AS3MT: variants seen among roughly 807,000 people sequenced by gnomAD.
AS3MT encodes S-adenosyl-L-methionine:arsenic(III) methyltransferase.
In AS3MT, 47 loss-of-function variants were observed where a neutral mutation model predicts 45.3. The ratio of observed to expected loss-of-function variants is 1.04; its 90% confidence interval spans 0.82 to 1.32. The LOEUF (loss-of-function observed/expected upper bound fraction) is 1.32. AS3MT is among the 40% of genes most tolerant of loss of function. The pLI is 0.00. For synonymous variants in AS3MT, 141 were observed against 152.8 expected (o/e 0.92, Z 0.57); for missense variants, 396 against 451.1 (o/e 0.88, Z 1.11).
chr10:102,875,139 C>T (rs1478769275), intron 6 of AS3MT, among the ~76,000 whole-genome samples: 1 of 152,152 alleles, frequency 6.6e-6, no homozygotes, highest in Non-Finnish European at 1.5e-5. Flanking sequence ...GCAGGAGCTC[C>T]ACAGCCTTCA....
chr10:102,878,693 G>A (rs1844825883), intron 8 of AS3MT, among the ~76,000 whole-genome samples, 156 bp from the exon 9 acceptor site: 2 of 152,182 alleles, frequency 1.3e-5, no homozygotes, highest in Admixed American at 1.3e-4. Context: ...AAAGCACTTT[G>A]AAGTCATTCA....
chr10:102,894,528 T>C (rs1845132835), intron 10 of AS3MT, among the ~76,000 whole-genome samples: 1 of 152,160 alleles, frequency 6.6e-6, no homozygotes, highest in South Asian at 2.1e-4. Context: ...AAAGTTATCC[T>C]AAAAAACTAG....
chr10:102,874,815 C>T (rs1472670646), intron 6 of AS3MT, among the ~76,000 whole-genome samples, 154 bp downstream of exon 6: 1 of 152,032 alleles, frequency 6.6e-6, no homozygotes, highest in Non-Finnish European at 1.5e-5. Context: ...GCAGGAATAC[C>T]CCGGATATGG....
At chr10:102,873,387 T>TC (rs1032814970) in intron 5 of AS3MT, among the ~76,000 whole-genome samples, 154 bp downstream of exon 5, 6 of 152,070 alleles carry the variant, frequency 3.9e-5, no homozygotes, top group African/African-American at 1.4e-4. Context: ...TTCAACTGAT[T>TC]CTCTTGCCTC....
At chr10:102,875,463 C>T (rs1377108847) in intron 6 of AS3MT, among the ~76,000 whole-genome samples, 4 of 119,306 alleles carry the variant, frequency 3.4e-5, no homozygotes, top group African/African-American at 9.8e-5. Flanking sequence ...GGAGACAGAG[C>T]GAGACTCCAT....
At chr10:102,896,475 T>TA (rs1564796613) in intron 10 of AS3MT, among the ~76,000 whole-genome samples, 1 of 151,460 alleles carries the variant, frequency 6.6e-6, no homozygotes, top group Non-Finnish European at 1.5e-5. Flanking sequence ...AGCATGAATC[T>TA]AACCCAAGCT....
chr10:102,890,224 G>C (rs567363997), intron 9 of AS3MT, among the ~76,000 whole-genome samples: 3 of 151,936 alleles, frequency 2.0e-5, no homozygotes, highest in South Asian at 2.1e-4. Flanking sequence ...GGATGGTCTC[G>C]ATCTCCTGAC....
rs191205812 is a variant in AS3MT at position 102,871,816 on chromosome 10, C to G, written c.171-632C>G. Among the ~76,000 whole-genome samples, 168 of 152,236 alleles carry G rather than the reference C, an allele frequency of 1.1e-3. 1 individual carries two copies. The highest frequency in any genetic ancestry group is 1.9e-3 in the Non-Finnish European group (128 of 68,018). On this transcript the variant is annotated intron_variant, in intron 3 of 10. Coordinates refer to ENST00000369880, the MANE Select transcript of AS3MT (RefSeq NM_020682.4). The stretch of plus-strand genomic sequence containing the variant: ...CTTACATTTTTTCCTCAATAACTAG[C>G]GCAGTCCTGGGCCTGAATTAGAAGC...
At chr10:102,872,165 G>A (rs1319014033) in intron 3 of AS3MT, among the ~76,000 whole-genome samples, 1 of 152,144 alleles carries the variant, frequency 6.6e-6, no homozygotes, top group Non-Finnish European at 1.5e-5. Flanking sequence ...GATTATAGGC[G>A]TGAGCCACCG....
At chr10:102,884,206 C>T (rs1014996455) in intron 9 of AS3MT, among the ~76,000 whole-genome samples, 1 of 152,010 alleles carries the variant, frequency 6.6e-6, no homozygotes, top group African/African-American at 2.4e-5. Flanking sequence ...TCTTGAACTC[C>T]TGACCTCAGG....
At chr10:102,872,178 C>G (rs1844702318) in intron 3 of AS3MT, among the ~76,000 whole-genome samples, 1 of 152,164 alleles carries the variant, frequency 6.6e-6, no homozygotes, top group African/African-American at 2.4e-5. Flanking sequence ...AGCCACCGCG[C>G]CCAGCCTGAA....
In AS3MT at chr10:102,875,476, C is replaced by CAA. The variant is rs35877885; in HGVS notation, c.528+836_528+837dup. Among the ~76,000 whole-genome samples the CAA allele has an allele frequency of 8.3e-3, 327 of 39,190 alleles. 6 individuals carry two copies. The highest frequency in any genetic ancestry group is 0.018 in the African/African-American group (172 of 9,652). The allele number at this position is 39,190 out of a possible 152,430, so 25.7% of individuals were successfully genotyped here. A position where few individuals can be genotyped will look rare whatever the true frequency, so the allele number is the denominator to read the frequency against. On this transcript the variant is annotated intron_variant, in intron 6 of 10. Coordinates refer to ENST00000369880, the MANE Select transcript of AS3MT (RefSeq NM_020682.4). ...TGGGAGACAGAGCGAGACTCCATCT[C>CAA]AAAAAAAAAAAAAAAAAAAAAAGAT...
chr10:102,872,903 A>T (rs545009491), intron 4 of AS3MT, among the ~76,000 whole-genome samples, 194 bp from the exon 5 acceptor site: 2 of 152,314 alleles, frequency 1.3e-5, no homozygotes, highest in South Asian at 4.1e-4. Flanking sequence ...TGAGGAGTTT[A>T]TTCAAGCCAA....
chr10:102,875,920 A>T (rs1188877736), intron 6 of AS3MT, among the ~76,000 whole-genome samples: 3 of 151,860 alleles, frequency 2.0e-5, no homozygotes, highest in Non-Finnish European at 4.4e-5. Context: ...CCTGGCCAAA[A>T]TTTTTTTTTA....
chr10:102,872,497 A>G lies in AS3MT; in HGVS notation c.220A>G (p.Ile74Val). The change falls in exon 4 of 11, where the codon ATT (isoleucine) becomes GTT (valine). Residue 74 changes from isoleucine to valine, a missense_variant. Transcript: ENST00000369880. ...VIPEHLENCW[I>V]LDLGSGSGRD... ...CCCTGAGCATCTAGAAAACTGCTGG[A>G]TTTTGGATCTGGGTAGTGGAAGTGG... 4.3e-6 allele frequency: 7 copies of G among 1,614,032 alleles called. No homozygotes were observed. The highest frequency in any genetic ancestry group is 5.9e-6 in the Non-Finnish European group (7 of 1,180,000).
At chr10:102,869,773 C>G (rs560289759) in intron 1 of AS3MT, 32 bp from the exon 2 acceptor site, 19 of 1,614,030 alleles carry the variant, frequency 1.2e-5, no homozygotes, top group Non-Finnish European at 1.6e-5. Context: ...TCAGCACCCT[C>G]TCCTTTCAAC....
rs760620990 is a variant in AS3MT, at chr10:102,890,536, C to A, written c.886-8C>A. The stretch of plus-strand genomic sequence containing the variant: ...ACTCTTAGTATTTTTTTTTATACTA[C>A]CCTTTAGGAAGGTGAAATTGTTGAA... On this transcript the variant is annotated splice_polypyrimidine_tract_variant and splice_region_variant and intron_variant, in intron 9 of 10. Transcript: ENST00000369880. 6.3e-7 allele frequency: 1 copy of A among 1,577,112 alleles called. No individual in the cohort carries two copies. The highest frequency in any genetic ancestry group is 2.0e-5 in the Admixed American group (1 of 50,058).
intron 9 of AS3MT, among the ~76,000 whole-genome samples, chr10:102,886,292 C>G (rs1844953678): frequency 8.2e-6 from 1 of 121,976 alleles, no homozygotes; most frequent in Admixed American, 9.0e-5. Context: ...TTCCTTCCTC[C>G]CTCCCTCCCT....
In AS3MT at chr10:102,870,078, G is replaced by A. The variant is rs773980641; in HGVS notation, c.43-6G>A. 13 of 1,613,546 alleles carry A rather than the reference G, an allele frequency of 8.1e-6. No homozygotes were observed. In the Admixed American group the frequency reaches 2.0e-4, roughly 25 times the overall value. ...CCCCTCACTCCACTGTGGGACGCTG[G>A]GTCAGACCTACTACGGGCAGGTGCT... On this transcript the variant is annotated splice_polypyrimidine_tract_variant and splice_region_variant and intron_variant, in intron 2 of 10. Coordinates refer to ENST00000369880, the MANE Select transcript of AS3MT (RefSeq NM_020682.4).
Sources: allele counts gnomAD v4.1 joint callset (sites outside exome capture counted in the v4.1 genomes callset), GRCh38; gene constraint gnomAD v4.1.1; transcripts MANE v1.5; gene names NCBI Gene and HGNC (gene_info 2026-07-23, HGNC 2026-07-21).